TNC: variants seen among roughly 807,000 people sequenced by gnomAD.
TNC encodes the protein tenascin.
TNC carries 109 observed loss-of-function variants against 202.4 expected under a neutral mutation model. The observed-to-expected ratio is 0.54, with a 90% CI of 0.46 to 0.63. The LOEUF (loss-of-function observed/expected upper bound fraction) is 0.63. Ranked by LOEUF, TNC falls within the 30% of genes least tolerant of loss-of-function variation. The pLI, the probability that TNC is intolerant of heterozygous loss-of-function variation, is 0.00. For missense variants in TNC, 2,756 were observed against 2,833.3 expected (o/e 0.97, Z 0.62); for synonymous variants, 1,007 against 1,089.7 (o/e 0.92, Z 1.50).
At chr9:115,096,602 G>A (rs1696394889) in intron 1 of TNC, among the ~76,000 whole-genome samples, 1 of 149,882 alleles carries the variant, frequency 6.7e-6, no homozygotes, top group Admixed American at 6.7e-5. Flanking sequence ...AAATGGGTGA[G>A]TACCTCAGAC....
intron 15 of TNC, among the ~76,000 whole-genome samples, chr9:115,053,234 T>C (rs12338715): frequency 0.11 from 16,056 of 152,264 alleles, 920 homozygotes; most frequent in Middle Eastern, 0.17. Context: ...ATTTTTATTT[T>C]ATTTTTTAGA....
At chr9:115,052,944 T>G in intron 15 of TNC, 1 of 702,560 alleles carries the variant, frequency 1.4e-6, no homozygotes, top group Non-Finnish European at 2.6e-6. Flanking sequence ...CCAGCTTGAG[T>G]GGTCCATGAC....
At position 115,063,093 on chromosome 9, in the gene TNC, A is replaced by G. The variant is rs146784251; in HGVS notation, c.3857T>C (p.Phe1286Ser). ...GTCAGCCTCCTGGACCTGAATAGTAAACTGGTCATAGGTTCCATCTGGCGT... is the reference window on the plus strand; with the variant it reads ...GTCAGCCTCCTGGACCTGAATAGTAGACTGGTCATAGGTTCCATCTGGCGT... Reference protein sequence around the residue: ...WTTPDGTYDQFTIQVQEADQV... With the variant: ...WTTPDGTYDQSTIQVQEADQV... The change falls in exon 13 of 28, where the codon TTT (phenylalanine) becomes TCT (serine). Residue 1286 changes from phenylalanine (F) to serine (S), a missense_variant. Physicochemically the swap from Phe to Ser is radical, Grantham distance 155. Transcript: ENST00000350763. 198 of 1,614,142 alleles carry G rather than the reference A, an allele frequency of 1.2e-4. No individual in the cohort carries two copies. In the African/African-American group the frequency reaches 2.3e-3, roughly 19 times the overall value.
intron 4 of TNC, among the ~76,000 whole-genome samples, chr9:115,083,976 T>C (rs575241142): frequency 5.1e-4 from 78 of 152,314 alleles, no homozygotes; most frequent in African/African-American, 1.9e-3. Context: ...ACTTGCTAAA[T>C]GTTACTTGTA....
chr9:115,058,471 A>C (rs924957950), intron 14 of TNC, among the ~76,000 whole-genome samples: 5 of 152,246 alleles, frequency 3.3e-5, no homozygotes, highest in African/African-American at 1.2e-4. Flanking sequence ...AGAAAAGATC[A>C]GAAGTGGTGG....
At chr9:115,023,639 T>A (rs1157315891) in intron 27 of TNC, among the ~76,000 whole-genome samples, 1 of 152,216 alleles carries the variant, frequency 6.6e-6, no homozygotes, top group East Asian at 1.9e-4. Flanking sequence ...GGGTTCTGTG[T>A]CATCAACCCT....
chr9:115,022,421 G>C (rs1829142283), intron 27 of TNC, among the ~76,000 whole-genome samples: 1 of 152,226 alleles, frequency 6.6e-6, no homozygotes, highest in Admixed American at 6.5e-5. Context: ...GCCAGAGAGG[G>C]AGAGTGACTT....
chr9:115,095,529 T>TCC (rs1835631733), intron 1 of TNC, among the ~76,000 whole-genome samples: 1 of 1,274 alleles, frequency 7.8e-4, no homozygotes, highest in Non-Finnish European at 1.3e-3. Flanking sequence ...TATATGTATA[T>TCC]ATATATGTAT....
intron 1 of TNC, among the ~76,000 whole-genome samples, chr9:115,092,527 G>C (rs1180555737): frequency 6.6e-6 from 1 of 152,124 alleles, no homozygotes; most frequent in African/African-American, 2.4e-5. Context: ...TCTTTAATTA[G>C]GAGATGCACC....
rs1251807039 is a variant in TNC at position 115,020,583 on chromosome 9, T to C, written c.*574A>G. On this transcript the variant is annotated 3_prime_UTR_variant, in exon 28 of 28. Coordinates refer to ENST00000350763, the MANE Select transcript of TNC (RefSeq NM_002160.4). ...AAAAAAAAAATACAATCAGGTACTG[T>C]CCAGAAATGTTTTGGAAAGAAAGAT... 2.9e-6 allele frequency: 1 copy of C among 341,402 alleles called. No individual in the cohort carries two copies. The highest frequency in any genetic ancestry group is 2.5e-5 in the South Asian group (1 of 39,504). The allele number at this position is 341,402 out of a possible 1,614,324, so 21.1% of individuals were successfully genotyped here.
chr9:115,086,655 C>G lies in TNC; in HGVS notation c.1076G>C (p.Gly359Ala). ...AAAGCCCTCATCACATACACACTGC[C>G]CCTCCTCACACCGGCCCTGGGTGTG... ...ACHTQGRCEE[G>A]QCVCDEGFAG... Residue 359 changes from glycine (G) to alanine (A), a missense_variant, in exon 3 of 28, where the codon GGG becomes GCG. Physicochemically the swap from Gly to Ala is moderately conservative, Grantham distance 60. Coordinates refer to ENST00000350763, the MANE Select transcript of TNC (RefSeq NM_002160.4). The G allele has an allele frequency of 6.2e-7, 1 of 1,614,184 alleles. No homozygotes were observed. The highest frequency in any genetic ancestry group is 1.6e-4 in the Middle Eastern group (1 of 6,062).
chr9:115,045,541 A>ATTTTTTTT (rs61415443), intron 17 of TNC, among the ~76,000 whole-genome samples: 18 of 110,120 alleles, frequency 1.6e-4, no homozygotes, highest in East Asian at 2.7e-4. Context: ...TAAGTTTTTG[A>ATTTTTTTT]TTTTTTTTTT....
chr9:115,095,236 G>C (rs1297592845), intron 1 of TNC, among the ~76,000 whole-genome samples: 6 of 151,928 alleles, frequency 3.9e-5, no homozygotes, highest in Non-Finnish European at 7.4e-5. Flanking sequence ...ACAGTCTTTG[G>C]TAGCAGTAAG....
chr9:115,036,012 G>T, intron 21 of TNC, 86 bp downstream of exon 21: 1 of 1,523,802 alleles, frequency 6.6e-7, no homozygotes, highest in Non-Finnish European at 9.0e-7. Context: ...TAAGAAAGAA[G>T]AACTGGCTAG....
At chr9:115,082,330 C>T (rs1302861358) in intron 5 of TNC, among the ~76,000 whole-genome samples, 1 of 152,180 alleles carries the variant, frequency 6.6e-6, no homozygotes, top group African/African-American at 2.4e-5. Flanking sequence ...TTCACATGTA[C>T]TTTTGGGCCT....
chr9:115,084,430 T>A lies in TNC; in HGVS notation c.1910A>T (p.Glu637Val). 1 of 1,614,172 alleles carries A rather than the reference T, an allele frequency of 6.2e-7. No individual in the cohort carries two copies. The highest frequency in any genetic ancestry group is 8.5e-7 in the Non-Finnish European group (1 of 1,180,030). ...ATTGTCCCAGGCCAGGTTGACCGTC[T>A]CTTCCGTCACTTCTGTCACAACGAG... ...KDLVVTEVTEETVNLAWDNEM... is the reference protein window; with the variant it reads ...KDLVVTEVTEVTVNLAWDNEM... The change falls in exon 4 of 28, where the codon GAG becomes GTG. Residue 637 changes from glutamate (E) to valine (V), a missense_variant. By Grantham distance (121) the Glu-to-Val change is moderately radical. Transcript: ENST00000350763.
At chr9:115,031,316 C>T (rs1407038817) in intron 23 of TNC, among the ~76,000 whole-genome samples, 1 of 152,180 alleles carries the variant, frequency 6.6e-6, no homozygotes, top group Non-Finnish European at 1.5e-5. Context: ...ATTCTTAAGG[C>T]ACACCTAGCA....
At chr9:115,054,646 G>A (rs750194744) in intron 15 of TNC, among the ~76,000 whole-genome samples, 1 of 152,186 alleles carries the variant, frequency 6.6e-6, no homozygotes, top group Non-Finnish European at 1.5e-5. Flanking sequence ...AAAAAACAGA[G>A]AAAGATAGTG....
intron 15 of TNC, among the ~76,000 whole-genome samples, chr9:115,053,204 G>A (rs961078511): frequency 3.9e-5 from 6 of 152,124 alleles, no homozygotes; most frequent in African/African-American, 1.4e-4. Context: ...TTTCTCTGCA[G>A]GTGTATATTT....
Sources: allele counts gnomAD v4.1 joint callset (sites outside exome capture counted in the v4.1 genomes callset), GRCh38; gene constraint gnomAD v4.1.1; transcripts MANE v1.5; gene names NCBI Gene and HGNC (gene_info 2026-07-23, HGNC 2026-07-21).